C2orf76: variants seen among roughly 807,000 people sequenced by gnomAD.
C2orf76 encodes UPF0538 protein C2orf76.
C2orf76 carries 23 observed loss-of-function variants against 16.9 expected under a neutral mutation model. The observed-to-expected ratio is 1.36, with a 90% CI of 0.98 to 1.93. The LOEUF is 1.93. C2orf76 is among the 30% of genes most tolerant of loss of function. C2orf76 has a pLI of 0.00. For missense variants in C2orf76, 152 were observed against 152.6 expected (o/e 1.00, Z 0.02); for synonymous variants, 48 against 52.3 (o/e 0.92, Z 0.35).
At chr2:119,324,257 G>A (rs139280902) in intron 2 of C2orf76, among the ~76,000 whole-genome samples, 112 of 152,272 alleles carry the variant, frequency 7.4e-4, no homozygotes, top group African/African-American at 2.6e-3. Context: ...AAGAGACAAC[G>A]ACCAGGACAC....
the C2orf76 span, among the ~76,000 whole-genome samples, chr2:119,282,092 G>A: frequency 6.6e-6 from 1 of 151,894 alleles, no homozygotes; most frequent in African/African-American, 2.4e-5. Context: ...GTTGCAGGGA[G>A]CCGAGATCAT....
chr2:119,345,636 A>G (rs1333973903), intron 1 of C2orf76, among the ~76,000 whole-genome samples: 1 of 152,212 alleles, frequency 6.6e-6, no homozygotes, highest in East Asian at 1.9e-4. Flanking sequence ...TTTCCAAGTG[A>G]GGGTTGGTAG....
chr2:119,345,107 T>C (rs532601768), intron 1 of C2orf76, among the ~76,000 whole-genome samples: 2 of 152,248 alleles, frequency 1.3e-5, no homozygotes, highest in South Asian at 2.1e-4. Flanking sequence ...TAGGAAAAGC[T>C]CTAAGCAAAG....
Position 119,302,475 on chromosome 2 carries a change from C to A in C2orf76, c.378G>T (p.Trp126Cys). 7.5e-7 allele frequency: 1 copy of A among 1,336,942 alleles called. No individual in the cohort carries two copies. Among genetic ancestry groups the A allele is most frequent in the South Asian group, 1.4e-5 (1 of 71,700 alleles). 82.8% of individuals were successfully genotyped at this position (1,336,942 alleles called of 1,614,324 possible). ...KNYKANPISS[W>C] ...AAAGGAAGCCCTCGAGATGTTTTCA[C>A]CAGGATGAAATGGGATTAGCTTTGT... Residue 126 changes from tryptophan to cysteine, a missense_variant, in exon 6 of 6, where the codon TGG becomes TGT. Coordinates refer to ENST00000334816, the MANE Select transcript of C2orf76 (RefSeq NM_001322331.2).
At chr2:119,321,004 G>A in intron 3 of C2orf76, 150 bp downstream of exon 3, 1 of 427,264 alleles carries the variant, frequency 2.3e-6, no homozygotes, top group Non-Finnish European at 4.2e-6. Flanking sequence ...ATTCATTTCA[G>A]CAATATACTA....
chr2:119,302,002 T>A (rs1678632179), downstream of C2orf76, among the ~76,000 whole-genome samples: 1 of 151,266 alleles, frequency 6.6e-6, no homozygotes, highest in African/African-American at 2.4e-5. Context: ...GTGGTATGTA[T>A]CACACACCCT....
chr2:119,308,157 G>T (rs774080098), intron 5 of C2orf76, among the ~76,000 whole-genome samples: 1 of 152,046 alleles, frequency 6.6e-6, no homozygotes, highest in Non-Finnish European at 1.5e-5. Context: ...TTAATTACAA[G>T]GAATACATGT....
In C2orf76 at chr2:119,362,006, T is replaced by A. The variant is rs556431143; in HGVS notation, c.-13+4784A>T. Among the ~76,000 whole-genome samples, 11 of 152,280 alleles carry A rather than the reference T, an allele frequency of 7.2e-5. No homozygotes were observed. In the South Asian group the frequency reaches 2.3e-3, roughly 32 times the overall value. Reference sequence around the variant, plus strand: ...CACCAGATTTTAATACAGTGGCGTTTTGAACAATAGGAGTCCAACTTCTAT... The same window carrying A: ...CACCAGATTTTAATACAGTGGCGTTATGAACAATAGGAGTCCAACTTCTAT... On this transcript the variant is annotated intron_variant, in intron 1 of 5. Transcript: ENST00000334816.
chr2:119,284,818 G>C, the C2orf76 span, among the ~76,000 whole-genome samples: 11 of 151,534 alleles, frequency 7.3e-5, no homozygotes. Flanking sequence ...TGATAATTTT[G>C]TAAACGATTT....
intron 2 of C2orf76, among the ~76,000 whole-genome samples, chr2:119,339,359 G>T (rs930391580): frequency 6.6e-6 from 1 of 152,050 alleles, no homozygotes; most frequent in Non-Finnish European, 1.5e-5. Context: ...CAATCAACTA[G>T]CACCGCCGTT....
rs114871978 is a variant in C2orf76 at position 119,334,735 on chromosome 2, G to A, written c.133+5092C>T. ...ATATATATATATTTAAGAAGTCAGA[G>A]GATACCAGGAAAGAATGCAGGTGGT... On this transcript the variant is annotated intron_variant, in intron 2 of 5. Transcript: ENST00000334816. 4.0e-3 allele frequency among the ~76,000 whole-genome samples: 605 copies of A among 151,280 alleles called. 7 individuals carry two copies. Among genetic ancestry groups the A allele is most frequent in the Middle Eastern group, 0.014 (4 of 290 alleles).
intron 2 of C2orf76, among the ~76,000 whole-genome samples, chr2:119,330,146 G>C (rs1207262945): frequency 6.6e-6 from 1 of 152,130 alleles, no homozygotes; most frequent in Non-Finnish European, 1.5e-5. Flanking sequence ...GGCTGAGGAG[G>C]GCAGACCACT....
chr2:119,316,637 T>A (rs1460986558), intron 4 of C2orf76, among the ~76,000 whole-genome samples: 1 of 134,838 alleles, frequency 7.4e-6, no homozygotes, highest in African/African-American at 2.5e-5. Flanking sequence ...CAGAAGACAA[T>A]GAAATAAAAT....
the C2orf76 span, among the ~76,000 whole-genome samples, chr2:119,289,040 C>T: frequency 7.2e-5 from 11 of 152,156 alleles, no homozygotes; most frequent in East Asian, 2.1e-3. Context: ...GGCCAAGACA[C>T]TGAAAAAGCC....
chr2:119,359,236 GA>G (rs781623622), intron 1 of C2orf76, among the ~76,000 whole-genome samples: 1 of 151,750 alleles, frequency 6.6e-6, no homozygotes, highest in African/African-American at 2.4e-5. Context: ...TAATCCTCAG[GA>G]AAAAAAAGAT....
Position 119,317,567 on chromosome 2 carries a change from A to C in C2orf76, c.185-64T>G, listed in dbSNP as rs1383531817. 3 of 1,368,840 alleles carry C rather than the reference A, an allele frequency of 2.2e-6. No homozygotes were observed. In the African/African-American group the frequency reaches 4.3e-5, roughly 20 times the overall value. 84.8% of individuals were successfully genotyped at this position (1,368,840 alleles called of 1,614,324 possible). A position where few individuals can be genotyped will look rare whatever the true frequency, so the allele number is the denominator to read the frequency against. ...TTCTAAACTTCTTTTCAAATTATTA[A>C]AATGGGTGGAGGGTGGCTACGAAAT... On this transcript the variant is annotated intron_variant, in intron 3 of 5. Coordinates refer to ENST00000334816, the MANE Select transcript of C2orf76 (RefSeq NM_001322331.2).
chr2:119,355,289 G>A (rs1030510753), intron 1 of C2orf76, among the ~76,000 whole-genome samples: 8 of 152,184 alleles, frequency 5.3e-5, no homozygotes, highest in South Asian at 4.1e-4. Flanking sequence ...TCTCTCACAC[G>A]TCTGCGTGTC....
intron 1 of C2orf76, among the ~76,000 whole-genome samples, chr2:119,341,885 T>C (rs539059245): frequency 6.6e-6 from 1 of 152,228 alleles, no homozygotes. Flanking sequence ...TAGAGAACAA[T>C]GAAAACCTCA....
chr2:119,359,191 C>T lies in C2orf76; in HGVS notation c.-13+7599G>A, dbSNP rs112350314. Among the ~76,000 whole-genome samples the T allele has an allele frequency of 3.7e-3, 570 of 152,198 alleles. 8 individuals carry two copies. Among genetic ancestry groups the T allele is most frequent in the African/African-American group, 0.013 (544 of 41,532 alleles). On this transcript the variant is annotated intron_variant, in intron 1 of 5. Coordinates refer to ENST00000334816, the MANE Select transcript of C2orf76 (RefSeq NM_001322331.2). ...ATGACAGTGCATCTGTTTACAGCAT[C>T]GTTTATTAAATATTTTAAGCCCACT...
Sources: gnomAD v4.1 joint callset for allele counts (sites outside exome capture counted in the v4.1 genomes callset) on GRCh38, gnomAD v4.1.1 for gene constraint, MANE v1.5 for transcripts, NCBI Gene and HGNC (gene_info 2026-07-23, HGNC 2026-07-21) for gene names.